The following CLNK variants were observed in gnomAD, a reference collection of about 807,000 sequenced individuals.
The protein encoded by CLNK is cytokine dependent hematopoietic cell linker, also known as cytokine-dependent hematopoietic cell linker.
A neutral mutation model predicts 68.6 loss-of-function variants in CLNK; 74 were observed. The observed-to-expected ratio is 1.08, with a 90% CI of 0.89 to 1.31. The LOEUF is 1.31. CLNK is among the 50% of genes most tolerant of loss of function. The pLI, the probability that CLNK is intolerant of heterozygous loss-of-function variation, is 0.00. For missense variants in CLNK, 553 were observed against 515.3 expected (o/e 1.07, Z -0.71); for synonymous variants, 198 against 172.2 (o/e 1.15, Z -1.17).
chr4:10,670,856 C>G (rs1249479939), intron 1 of CLNK, among the ~76,000 whole-genome samples: 1 of 152,176 alleles, frequency 6.6e-6, no homozygotes, highest in Non-Finnish European at 1.5e-5. Context: ...AAATTGCTAA[C>G]ACCTAGGATA....
At chr4:10,677,137 GA>G (rs1390778291) in intron 1 of CLNK, among the ~76,000 whole-genome samples, 1 of 151,512 alleles carries the variant, frequency 6.6e-6, no homozygotes, top group Non-Finnish European at 1.5e-5. Context: ...AATTTTAGAG[GA>G]AAAAAAGTAT....
intron 2 of CLNK, among the ~76,000 whole-genome samples, chr4:10,654,655 CAT>C (rs1250192225): frequency 1.3e-5 from 2 of 151,420 alleles, no homozygotes; most frequent in Non-Finnish European, 2.9e-5. Flanking sequence ...ATATAACAAA[CAT>C]AAAAGAATAA....
chr4:10,677,145 G>C lies in CLNK; in HGVS notation c.-43+7523C>G, dbSNP rs116842006. 9.1e-3 allele frequency among the ~76,000 whole-genome samples: 1,390 copies of C among 152,170 alleles called. 41 individuals are homozygous for C. The East Asian group carries it at 0.12, about 13-fold the overall frequency. ...GAAGGCAAATTTTAGAGGAAAAAAA[G>C]TATAAGAAAATAAACTAAGATTTAG... On this transcript the variant is annotated intron_variant, in intron 1 of 18. Transcript: ENST00000226951.
the CLNK span, among the ~76,000 whole-genome samples, chr4:10,724,048 A>T: frequency 6.6e-6 from 1 of 152,132 alleles, no homozygotes; most frequent in Admixed American, 6.6e-5. Context: ...TTTGCGCGAT[A>T]TTTCAGACCA....
In CLNK at chr4:10,584,792, A is replaced by T. The variant is rs1028555976; in HGVS notation, c.112+135T>A. Reference sequence around the variant, plus strand: ...CTGTACCCTGGGGCAACTGGAAGGAATGGCATTACTAGCTAATGTCATTTC... The same window carrying T: ...CTGTACCCTGGGGCAACTGGAAGGATTGGCATTACTAGCTAATGTCATTTC... On this transcript the variant is annotated intron_variant, in intron 4 of 18. Transcript: ENST00000226951. 11 of 918,728 alleles carry T rather than the reference A, an allele frequency of 1.2e-5. No individual in the cohort carries two copies. In the Admixed American group the frequency reaches 1.9e-4, roughly 16 times the overall value. The allele number at this position is 918,728 out of a possible 1,614,324, so 56.9% of individuals were successfully genotyped here. A position where few individuals can be genotyped will look rare whatever the true frequency, so the allele number is the denominator to read the frequency against.
intron 1 of CLNK, among the ~76,000 whole-genome samples, chr4:10,669,762 T>C (rs1188502830): frequency 6.6e-6 from 1 of 152,006 alleles, no homozygotes; most frequent in Non-Finnish European, 1.5e-5. Context: ...ACCAGCCTCA[T>C]CCCCTCGTCT....
At chr4:10,678,972 C>A (rs1281810498) in intron 1 of CLNK, among the ~76,000 whole-genome samples, 1 of 152,174 alleles carries the variant, frequency 6.6e-6, no homozygotes, top group African/African-American at 2.4e-5. Context: ...CCATCCCCAT[C>A]AAGCTACCAA....
chr4:10,639,736 A>G (rs549448809), intron 2 of CLNK, among the ~76,000 whole-genome samples: 1 of 152,386 alleles, frequency 6.6e-6, no homozygotes, highest in East Asian at 1.9e-4. Flanking sequence ...CAGTAGCCAC[A>G]TGTGGCAAAC....
At chr4:10,648,957 C>G (rs532889518) in intron 2 of CLNK, among the ~76,000 whole-genome samples, 7 of 152,206 alleles carry the variant, frequency 4.6e-5, no homozygotes, top group Admixed American at 3.3e-4. Flanking sequence ...CCCTTGAATC[C>G]TTTATCTCTG....
rs1200575936 is a variant in CLNK at position 10,501,301 on chromosome 4, C to T, written c.1095G>A (p.Glu365=). ...TCCCCAGGGCAAACTGCTGATTCCT[C>T]TCCAGGAAGCGTATTTTTACATTGT... The part of the protein sequence containing the change: ...KVYNVKIRFL[E]RNQQFALGTG... The change falls in exon 18 of 19, where the codon GAG becomes GAA. Residue 365 remains glutamate, a synonymous_variant. Coordinates refer to ENST00000226951, the MANE Select transcript of CLNK (RefSeq NM_052964.4). 14 of 1,606,422 alleles carry T rather than the reference C, an allele frequency of 8.7e-6. No individual in the cohort carries two copies. Among genetic ancestry groups the T allele is most frequent in the Non-Finnish European group, 1.2e-5 (14 of 1,177,432 alleles).
At chr4:10,624,864 G>C (rs910522481) in intron 2 of CLNK, among the ~76,000 whole-genome samples, 4 of 152,102 alleles carry the variant, frequency 2.6e-5, no homozygotes, top group African/African-American at 9.7e-5. Context: ...GTGAGAAATA[G>C]ACTTACAGAA....
At chr4:10,577,339 T>C (rs566901262) in intron 4 of CLNK, among the ~76,000 whole-genome samples, 3 of 152,186 alleles carry the variant, frequency 2.0e-5, no homozygotes, top group Non-Finnish European at 2.9e-5. Flanking sequence ...GTGTTGAAAA[T>C]TGAGGGGTCT....
At chr4:10,573,389 C>G (rs1720423765) in intron 4 of CLNK, among the ~76,000 whole-genome samples, 1 of 152,190 alleles carries the variant, frequency 6.6e-6, no homozygotes, top group Admixed American at 6.5e-5. Context: ...ACACCTGCCC[C>G]TGGTCCCAGC....
intron 8 of CLNK, among the ~76,000 whole-genome samples, chr4:10,554,365 T>A (rs995221714): frequency 1.3e-5 from 2 of 152,244 alleles, no homozygotes; most frequent in Admixed American, 1.3e-4. Context: ...TGAAACTTCA[T>A]TAGGGAATTA....
intron 2 of CLNK, among the ~76,000 whole-genome samples, chr4:10,610,786 A>G (rs1350326431): frequency 7.1e-6 from 1 of 141,728 alleles, no homozygotes. Context: ...ACACACACAC[A>G]CACACACACA....
rs60503408 is a variant in CLNK at position 10,537,635 on chromosome 4, TTC to T, written c.602+2857_602+2858del. ...TTTCTCTCTCTCTTTCTTTCTTTCT[TTC>T]TCTTTCTTTCTTTCTTTCTTTCTTT... On this transcript the variant is annotated intron_variant, in intron 11 of 18. Coordinates refer to ENST00000226951, the MANE Select transcript of CLNK (RefSeq NM_052964.4). 6.8e-3 allele frequency among the ~76,000 whole-genome samples: 830 copies of T among 121,572 alleles called. 12 individuals are homozygous for T. Among genetic ancestry groups the T allele is most frequent in the East Asian group, 0.024 (91 of 3,774 alleles). 79.8% of individuals were successfully genotyped at this position (121,572 alleles called of 152,430 possible).
Position 10,598,049 on chromosome 4 carries a change from C to A in CLNK, c.12G>T (p.Gln4His). ...CTTCTTTAGTTGTCTTTCTATTGCCCCTGGGATGAAAGAAAATAAATTATA... is the reference window on the plus strand; with the variant it reads ...CTTCTTTAGTTGTCTTTCTATTGCCACTGGGATGAAAGAAAATAAATTATA... Reference protein sequence around the residue: MNRQGNRKTTKEGS... With the variant: MNRHGNRKTTKEGS... The change falls in exon 3 of 19, where the codon CAG (glutamine) becomes CAT (histidine). Residue 4 changes from glutamine (Q) to histidine (H), a missense_variant and splice_region_variant. By Grantham distance (24) the Gln-to-His change is conservative (BLOSUM62 0). Coordinates refer to ENST00000226951, the MANE Select transcript of CLNK (RefSeq NM_052964.4). 6.4e-7 allele frequency: 1 copy of A among 1,570,830 alleles called. No individual in the cohort carries two copies. Among genetic ancestry groups the A allele is most frequent in the Non-Finnish European group, 8.7e-7 (1 of 1,154,722 alleles).
At chr4:10,613,080 A>G (rs1197021090) in intron 2 of CLNK, among the ~76,000 whole-genome samples, 2 of 152,228 alleles carry the variant, frequency 1.3e-5, no homozygotes, top group African/African-American at 4.8e-5. Flanking sequence ...AACAAAATAA[A>G]GAAGATGGCT....
intron 15 of CLNK, among the ~76,000 whole-genome samples, chr4:10,513,832 A>ATTATTATT (rs1553845611): frequency 2.3e-4 from 33 of 145,658 alleles, no homozygotes; most frequent in African/African-American, 7.8e-4. Context: ...TTTTTTTTTA[A>ATTATTATT]ATTATTATTA....
Sources: allele counts gnomAD v4.1 joint callset (sites outside exome capture counted in the v4.1 genomes callset), GRCh38; gene constraint gnomAD v4.1.1; transcripts MANE v1.5; gene names NCBI Gene and HGNC (gene_info 2026-07-23, HGNC 2026-07-21).